The following FADS2 variants were observed in gnomAD, a reference collection of about 807,000 sequenced individuals.
The protein encoded by FADS2 is fatty acid desaturase 2.
FADS2 carries 18 observed loss-of-function variants against 61.2 expected under a neutral mutation model. The ratio of observed to expected loss-of-function variants is 0.29; its 90% confidence interval spans 0.20 to 0.44. The LOEUF is 0.44. Ranked by LOEUF, FADS2 falls within the 20% of genes least tolerant of loss-of-function variation. The pLI is 1.00. For synonymous variants in FADS2, 203 were observed against 223.9 expected, an observed-to-expected ratio of 0.91 and a Z score of 0.83; for missense variants, 322 against 572.7, an observed-to-expected ratio of 0.56 and a Z score of 4.47.
At position 61,828,601 on chromosome 11, in the gene FADS2, AG is replaced by A. The variant is rs777695881; in HGVS notation, c.207+7del. 3.1e-6 allele frequency: 5 copies of A among 1,612,632 alleles called. No individual in the cohort carries two copies. In the Admixed American group the frequency reaches 8.3e-5, roughly 27 times the overall value. ...CTACGCTGGAGAAGATGCAACGGTAAGGGTCTGGGGGCGCCCCAGCCACCCT... is the reference window on the plus strand; with the variant it reads ...CTACGCTGGAGAAGATGCAACGGTAAGGTCTGGGGGCGCCCCAGCCACCCT... On this transcript the variant is annotated splice_donor_5th_base_variant and intron_variant, in intron 1 of 11. Transcript: ENST00000278840. This position sits in a 1 kb window ranked among gnomAD's most constrained non-coding sequence, Gnocchi z 6.4.
intron 1 of FADS2, among the ~76,000 whole-genome samples, chr11:61,820,764 TG>T (rs1019746484): frequency 1.3e-5 from 2 of 151,772 alleles, no homozygotes; most frequent in South Asian, 2.1e-4. Flanking sequence ...CCGGGTGTGG[TG>T]GGGGGTGCCT....
chr11:61,862,828 G>A, intron 7 of FADS2, 144 bp from the exon 8 acceptor site: 3 of 672,166 alleles, frequency 4.5e-6, no homozygotes, highest in South Asian at 3.5e-5. Context: ...CAAGCAGGTG[G>A]CGTGTAGTTG....
chr11:61,834,251 G>T (rs2067152235), intron 1 of FADS2, among the ~76,000 whole-genome samples: 1 of 152,216 alleles, frequency 6.6e-6, no homozygotes, highest in African/African-American at 2.4e-5. Flanking sequence ...TGGGCAAGGA[G>T]CTGATCCAAC....
chr11:61,835,280 G>A (rs1398638483), intron 1 of FADS2, among the ~76,000 whole-genome samples: 1 of 152,126 alleles, frequency 6.6e-6, no homozygotes, highest in Admixed American at 6.5e-5. Context: ...AGGACTTGAT[G>A]CCAGCAATGC....
Position 61,865,351 on chromosome 11 carries a change from CTGGG to C in FADS2, c.1283+75_1283+78del. 1.3e-6 allele frequency: 2 copies of C among 1,543,110 alleles called. No homozygotes were observed. The highest frequency in any genetic ancestry group is 1.8e-6 in the Non-Finnish European group (2 of 1,139,060). On this transcript the variant is annotated intron_variant, in intron 11 of 11. Coordinates refer to ENST00000278840, the MANE Select transcript of FADS2 (RefSeq NM_004265.4). This position sits in a 1 kb window ranked among gnomAD's most constrained non-coding sequence, Gnocchi z 4.1. Reference sequence around the variant, plus strand: ...GCAGACAGTGGGATCACAAGAGGGGCTGGGCCCTCCTGGCACAGTCACCCACCAG... The same window carrying C: ...GCAGACAGTGGGATCACAAGAGGGGCCCCTCCTGGCACAGTCACCCACCAG...
chr11:61,846,391 G>C (rs2067259406), intron 4 of FADS2, among the ~76,000 whole-genome samples: 2 of 150,510 alleles, frequency 1.3e-5, no homozygotes, highest in South Asian at 2.1e-4. Flanking sequence ...TGAAGCCTCT[G>C]AGCTTTCACT....
At chr11:61,820,795 G>T (rs1241992449) in intron 1 of FADS2, among the ~76,000 whole-genome samples, 1 of 152,054 alleles carries the variant, frequency 6.6e-6, no homozygotes, top group Non-Finnish European at 1.5e-5. Context: ...GCTACTTTGT[G>T]GGGGTGAGGC....
intron 1 of FADS2, among the ~76,000 whole-genome samples, chr11:61,837,127 A>T (rs1456210539): frequency 6.6e-6 from 1 of 152,242 alleles, no homozygotes; most frequent in Admixed American, 6.5e-5. Flanking sequence ...AAAGATTAAA[A>T]TGTGTATCAT....
intron 1 of FADS2, among the ~76,000 whole-genome samples, chr11:61,831,801 T>G (rs945025963): frequency 3.3e-5 from 5 of 152,160 alleles, no homozygotes; most frequent in African/African-American, 1.2e-4. Flanking sequence ...CCCAGCTTCC[T>G]TCCCTTCCTG....
chr11:61,858,632 C>T (rs2067385713), intron 7 of FADS2, among the ~76,000 whole-genome samples: 1 of 151,892 alleles, frequency 6.6e-6, no homozygotes, highest in Non-Finnish European at 1.5e-5. Flanking sequence ...GTCGCCCAGG[C>T]TGGAGTGCAG....
At chr11:61,827,990 G>T, upstream of FADS2, 1 of 1,067,398 alleles carries the variant, frequency 9.4e-7, no homozygotes, top group Non-Finnish European at 1.2e-6. This position sits in a 1 kb window ranked among gnomAD's most constrained non-coding sequence, Gnocchi z 4.5. Flanking sequence ...GCGCTCTGCT[G>T]ATCGCTGTGG....
intron 7 of FADS2, among the ~76,000 whole-genome samples, chr11:61,859,658 T>A (rs1434238292): frequency 2.0e-5 from 3 of 152,188 alleles, no homozygotes; most frequent in Admixed American, 1.3e-4. Flanking sequence ...TTACACCCTC[T>A]CCTTGCCTCT....
At chr11:61,852,814 C>G in intron 5 of FADS2, among the ~76,000 whole-genome samples, 1 of 152,034 alleles carries the variant, frequency 6.6e-6, no homozygotes, top group East Asian at 1.9e-4. Flanking sequence ...TCGGTTGATT[C>G]TTTTGAGTTT....
intron 1 of FADS2, among the ~76,000 whole-genome samples, chr11:61,830,046 A>T (rs2135954419): frequency 6.6e-6 from 1 of 152,378 alleles, no homozygotes; most frequent in Middle Eastern, 3.4e-3. Flanking sequence ...GATGCTATTT[A>T]GAACTTAGGT....
intron 7 of FADS2, among the ~76,000 whole-genome samples, chr11:61,861,410 G>C (rs2067416113): frequency 6.8e-6 from 1 of 147,964 alleles, no homozygotes; most frequent in African/African-American, 2.5e-5. Flanking sequence ...TAGAAGTATG[G>C]CTTGAGCCTG....
chr11:61,835,392 C>T (rs374738641), intron 1 of FADS2, among the ~76,000 whole-genome samples: 1 of 149,268 alleles, frequency 6.7e-6, no homozygotes, highest in Non-Finnish European at 1.5e-5. Flanking sequence ...CACCTTCCCC[C>T]GACCCTTTTT....
chr11:61,842,705 G>A (rs1341200350), intron 4 of FADS2, among the ~76,000 whole-genome samples: 2 of 152,166 alleles, frequency 1.3e-5, no homozygotes, highest in South Asian at 2.1e-4. Flanking sequence ...CACAGAGACA[G>A]GCCAAGGACA....
At chr11:61,847,886 G>A (rs1241284545) in intron 4 of FADS2, 7 of 414,108 alleles carry the variant, frequency 1.7e-5, no homozygotes, top group African/African-American at 4.1e-5. Context: ...AGCGCTCACC[G>A]TGTGGTCCCT....
At chr11:61,844,925 A>G (rs1196071156) in intron 4 of FADS2, among the ~76,000 whole-genome samples, 7 of 145,248 alleles carry the variant, frequency 4.8e-5, no homozygotes. Context: ...ACTCCGTCTC[A>G]AAAAAAAAAA....
Sources: allele counts gnomAD v4.1 joint callset (sites outside exome capture counted in the v4.1 genomes callset), GRCh38; gene constraint gnomAD v4.1.1; non-coding constraint Gnocchi (gnomAD v3.1); transcripts MANE v1.5; gene names NCBI Gene and HGNC (gene_info 2026-07-23, HGNC 2026-07-21).